LONRF1: variants seen among roughly 807,000 people sequenced by gnomAD.
LONRF1 encodes the protein LON peptidase N-terminal domain and RING finger protein 1.
LONRF1 carries 37 observed loss-of-function variants against 85.8 expected under a neutral mutation model. The ratio of observed to expected loss-of-function variants is 0.43; its 90% CI spans 0.33 to 0.57. The LOEUF (loss-of-function observed/expected upper bound fraction) is 0.57, where lower values mean the gene tolerates loss of function less well. Ranked by LOEUF, LONRF1 falls within the 20% of genes least tolerant of loss-of-function variation. The pLI is 0.04. For synonymous variants in LONRF1, 517 were observed against 390.1 expected, an observed-to-expected ratio of 1.33 and a Z score of -3.83; for missense variants, 1,036 against 978.0, an observed-to-expected ratio of 1.06 and a Z score of -0.79.
In LONRF1 at chr8:12,729,146, C is replaced by G. The variant is rs374534355; in HGVS notation, c.1847+28G>C. 1.9e-6 allele frequency: 3 copies of G among 1,612,116 alleles called. No individual in the cohort carries two copies. In the South Asian group the frequency reaches 3.3e-5, roughly 18 times the overall value. Reference sequence around the variant, plus strand: ...CATATTGAGAGGTCTAACATAAATACAAATATTTAGGTTCACAAAAAGCAT... The same window carrying G: ...CATATTGAGAGGTCTAACATAAATAGAAATATTTAGGTTCACAAAAAGCAT... On this transcript the variant is annotated intron_variant, in intron 9 of 11. Transcript: ENST00000398246.
At chr8:12,754,616 G>A in intron 1 of LONRF1, 84 bp downstream of exon 1, 2 of 1,238,418 alleles carry the variant, frequency 1.6e-6, no homozygotes, top group South Asian at 3.4e-5. Flanking sequence ...GAGACTCTCG[G>A]GGCGCAGACA....
At chr8:12,735,019 A>G (rs1222653731) in intron 7 of LONRF1, among the ~76,000 whole-genome samples, 3 of 152,108 alleles carry the variant, frequency 2.0e-5, no homozygotes, top group African/African-American at 7.2e-5. Context: ...CCCTGACCAG[A>G]TAACTAACCA....
intron 10 of LONRF1, among the ~76,000 whole-genome samples, chr8:12,726,284 T>G (rs540816322): frequency 6.6e-6 from 1 of 152,008 alleles, no homozygotes; most frequent in East Asian, 1.9e-4. Flanking sequence ...AAAGAAAAGA[T>G]AAGTAGTTAG....
intron 10 of LONRF1, among the ~76,000 whole-genome samples, 166 bp downstream of exon 10, chr8:12,728,735 T>C (rs1031369327): frequency 3.3e-5 from 5 of 152,206 alleles, no homozygotes; most frequent in Non-Finnish European, 5.9e-5. Context: ...TGTGCAACAG[T>C]TTCAGAGCAA....
chr8:12,740,220 G>T (rs1253727231), intron 3 of LONRF1, among the ~76,000 whole-genome samples: 3 of 152,158 alleles, frequency 2.0e-5, no homozygotes, highest in East Asian at 1.9e-4. Flanking sequence ...TTTTCTCAAA[G>T]AATTTTTCGA....
At chr8:12,743,861 G>C (rs1799039218) in intron 1 of LONRF1, among the ~76,000 whole-genome samples, 2 of 151,330 alleles carry the variant, frequency 1.3e-5, no homozygotes, top group Non-Finnish European at 2.9e-5. Flanking sequence ...AACAGTATTG[G>C]CCCAATTCAA....
At chr8:12,748,439 C>T (rs1337959410) in intron 1 of LONRF1, among the ~76,000 whole-genome samples, 1 of 151,986 alleles carries the variant, frequency 6.6e-6, no homozygotes, top group Non-Finnish European at 1.5e-5. Context: ...TCAAGTGGTC[C>T]TCCCTCCTTG....
intron 2 of LONRF1, among the ~76,000 whole-genome samples, chr8:12,742,292 G>C (rs1472428345): frequency 6.6e-6 from 1 of 152,204 alleles, no homozygotes; most frequent in Non-Finnish European, 1.5e-5. Context: ...TTTGAATGGA[G>C]GGAAAAGGTC....
At chr8:12,730,418 T>C (rs186622627) in intron 8 of LONRF1, among the ~76,000 whole-genome samples, 6 of 152,344 alleles carry the variant, frequency 3.9e-5, no homozygotes, top group African/African-American at 1.4e-4. Flanking sequence ...TTTTGAGTTT[T>C]TTTCAAAATG....
rs1798537956 is a variant in LONRF1, at chr8:12,731,766, A to G, written c.1658T>C (p.Ile553Thr). The change falls in exon 8 of 12, where the codon ATA (isoleucine) becomes ACA (threonine). Residue 553 changes from isoleucine (I) to threonine (T), a missense_variant. Ile to Thr is a moderately conservative substitution (Grantham distance 89). Coordinates refer to ENST00000398246, the MANE Select transcript of LONRF1 (RefSeq NM_152271.5). ...LPDELSERKK[I>T]YDEETAELSH... The stretch of plus-strand genomic sequence containing the variant: ...GAGTTCAGCAGTTTCTTCATCATAT[A>G]TTTTTTTTCTCTCAGACAGTTCATC... 1 of 1,611,804 alleles carries G rather than the reference A, an allele frequency of 6.2e-7. No individual in the cohort carries two copies.
chr8:12,747,559 C>T (rs566784616), intron 1 of LONRF1, among the ~76,000 whole-genome samples: 34 of 152,216 alleles, frequency 2.2e-4, no homozygotes, highest in Non-Finnish European at 4.1e-4. Flanking sequence ...TAGGAATGGG[C>T]AACAGCTCAT....
chr8:12,725,652 G>C, intron 11 of LONRF1, 75 bp downstream of exon 11: 1 of 1,445,576 alleles, frequency 6.9e-7, no homozygotes, highest in East Asian at 2.3e-5. Context: ...AGGACAATGA[G>C]AAAACAAATG....
intron 11 of LONRF1, 140 bp downstream of exon 11, chr8:12,725,586 AG>A: frequency 1.4e-6 from 1 of 735,762 alleles, no homozygotes; most frequent in South Asian, 1.9e-5. Flanking sequence ...ATGATTGCAA[AG>A]ATGAGGTGGG....
chr8:12,735,551 G>GT, intron 6 of LONRF1, 151 bp from the exon 7 acceptor site: 1 of 596,588 alleles, frequency 1.7e-6, no homozygotes, highest in Non-Finnish European at 3.0e-6. Flanking sequence ...AGTGATAAGT[G>GT]TAACCATACC....
intron 1 of LONRF1, among the ~76,000 whole-genome samples, chr8:12,744,104 T>G (rs920057906): frequency 6.6e-6 from 1 of 152,176 alleles, no homozygotes; most frequent in Non-Finnish European, 1.5e-5. Flanking sequence ...TTAACTTGAC[T>G]CTTATTTTAA....
At position 12,737,152 on chromosome 8, in the gene LONRF1, C is replaced by T. The variant is rs1440176644; in HGVS notation, c.1114-12G>A. 4 of 1,607,536 alleles carry T rather than the reference C, an allele frequency of 2.5e-6. No individual in the cohort carries two copies. The highest frequency in any genetic ancestry group is 4.5e-5 in the East Asian group (2 of 44,822). ...GGTATTTCTTCACTCTACAAAAATA[C>T]AATAAACAAAGGTAACTGTATTTCT... is the stretch of plus-strand genomic sequence containing the variant. On this transcript the variant is annotated splice_polypyrimidine_tract_variant and intron_variant, in intron 4 of 11. Transcript: ENST00000398246.
chr8:12,741,817 G>C (rs1327924020), intron 2 of LONRF1, among the ~76,000 whole-genome samples: 3 of 152,006 alleles, frequency 2.0e-5, no homozygotes, highest in African/African-American at 7.2e-5. Context: ...CCCTTATTTT[G>C]TCTTTCACTT....
At chr8:12,748,651 T>C (rs1447248907) in intron 1 of LONRF1, among the ~76,000 whole-genome samples, 1 of 152,252 alleles carries the variant, frequency 6.6e-6, no homozygotes, top group Admixed American at 6.5e-5. Flanking sequence ...CCTCCATTTC[T>C]TCATTAAGTT....
At position 12,754,858 on chromosome 8, in the gene LONRF1, G is replaced by A. The variant is rs1339973647; in HGVS notation, c.563C>T (p.Ala188Val). The A allele has an allele frequency of 3.3e-6, 5 of 1,492,708 alleles. No individual in the cohort carries two copies. Among genetic ancestry groups the A allele is most frequent in the Admixed American group, 4.5e-5 (2 of 44,916 alleles). 92.5% of individuals were successfully genotyped at this position (1,492,708 alleles called of 1,614,324 possible). A position where few individuals can be genotyped will look rare whatever the true frequency, so the allele number is the denominator to read the frequency against. The change falls in exon 1 of 12, where the codon GCT (alanine) becomes GTT (valine). Residue 188 changes from alanine to valine, a missense_variant. Physicochemically the swap from Ala to Val is moderately conservative, Grantham distance 64. Around this residue, in one of 3 missense-constraint regions of LONRF1, gnomAD observed 742 missense variants for 614.4 expected, o/e 1.21. Coordinates refer to ENST00000398246, the MANE Select transcript of LONRF1 (RefSeq NM_152271.5). Reference protein sequence around the residue: ...RPPPLAAAIAASDFRTSVVLN... With the variant: ...RPPPLAAAIAVSDFRTSVVLN... ...GACGACGCTGGTTCTGAAGTCTGAA[G>A]CGGCGATGGCGGCGGCCAGAGGCGG... is the stretch of plus-strand genomic sequence containing the variant.
Sources: gnomAD v4.1 joint callset for allele counts (sites outside exome capture counted in the v4.1 genomes callset) on GRCh38, gnomAD v4.1.1 for gene constraint, gnomAD v4.1.1 regional missense constraint, MANE v1.5 for transcripts, NCBI Gene and HGNC (gene_info 2026-07-23, HGNC 2026-07-21) for gene names.